Variants in LOC122539214 observed in about 807,000 individuals in gnomAD.
the LOC122539214 span, chr19:52,652,889 A>C: frequency 9.3e-7 from 1 of 1,073,364 alleles, no homozygotes; most frequent in African/African-American, 1.6e-5. Context: ...CACTCATTGC[A>C]CTTGTAAGGT....
the LOC122539214 span, among the ~76,000 whole-genome samples, chr19:52,682,876 C>G: frequency 2.6e-5 from 4 of 151,970 alleles, no homozygotes; most frequent in Non-Finnish European, 4.4e-5. Context: ...CTCTCTGTCT[C>G]TCTTTTTTTT....
the LOC122539214 span, among the ~76,000 whole-genome samples, chr19:52,656,987 GA>G: frequency 6.6e-6 from 1 of 152,012 alleles, no homozygotes; most frequent in East Asian, 1.9e-4. Flanking sequence ...AAGACCTAGA[GA>G]GGACACATCC....
chr19:52,687,981 C>G, the LOC122539214 span, among the ~76,000 whole-genome samples: 1 of 151,944 alleles, frequency 6.6e-6, no homozygotes, highest in Non-Finnish European at 1.5e-5. Flanking sequence ...GGGATTCCAA[C>G]TGGAAGCTAA....
chr19:52,675,242 G>T, the LOC122539214 span, among the ~76,000 whole-genome samples: 5 of 152,204 alleles, frequency 3.3e-5, no homozygotes, highest in Non-Finnish European at 7.3e-5. Context: ...CAGGCCCACA[G>T]TGTTCATGTA....
chr19:52,687,846 A>G, the LOC122539214 span, among the ~76,000 whole-genome samples: 2 of 150,248 alleles, frequency 1.3e-5, no homozygotes, highest in African/African-American at 2.4e-5. Flanking sequence ...TAATTAAATT[A>G]AAAGTATTGT....
chr19:52,687,378 A>AT, the LOC122539214 span, among the ~76,000 whole-genome samples: 12 of 40,284 alleles, frequency 3.0e-4, no homozygotes, highest in African/African-American at 1.7e-3. Context: ...TATAAATTAT[A>AT]ATTTATATAT....
chr19:52,675,478 T>A, the LOC122539214 span, among the ~76,000 whole-genome samples: 1 of 152,134 alleles, frequency 6.6e-6, no homozygotes, highest in African/African-American at 2.4e-5. Context: ...AAGCCATCCC[T>A]CATGGATCAT....
the LOC122539214 span, among the ~76,000 whole-genome samples, chr19:52,681,279 T>TTAA: frequency 6.7e-5 from 1 of 15,024 alleles, no homozygotes; most frequent in Non-Finnish European, 1.5e-4. Flanking sequence ...TGAGACTTTC[T>TTAA]CAAAAAAAAA....
chr19:52,653,973 C>T, the LOC122539214 span: 2 of 1,351,812 alleles, frequency 1.5e-6, no homozygotes, highest in Non-Finnish European at 2.1e-6. Flanking sequence ...TCTTCCCATA[C>T]CTATTAGAAA....
chr19:52,660,672 G>A, the LOC122539214 span: 4 of 160,034 alleles, frequency 2.5e-5, no homozygotes, highest in African/African-American at 9.6e-5. Context: ...TTGTGACGCA[G>A]GACGCTTCAG....
At chr19:52,688,549 T>C in the LOC122539214 span, among the ~76,000 whole-genome samples, 1 of 151,830 alleles carries the variant, frequency 6.6e-6, no homozygotes, top group Non-Finnish European at 1.5e-5. Context: ...CTCTAGCTCT[T>C]GTTTTATTTT....
At chr19:52,681,423 G>T in the LOC122539214 span, among the ~76,000 whole-genome samples, 1 of 151,946 alleles carries the variant, frequency 6.6e-6, no homozygotes, top group African/African-American at 2.4e-5. Flanking sequence ...GAATTTGATA[G>T]AAAAGAAAAG....
chr19:52,650,986 C>A, the LOC122539214 span: 8 of 152,222 alleles, frequency 5.3e-5, no homozygotes, highest in Non-Finnish European at 1.2e-4. Flanking sequence ...ATATCCAATT[C>A]CCTTAGAAGG....
At chr19:52,671,484 C>A in the LOC122539214 span, among the ~76,000 whole-genome samples, 3 of 151,936 alleles carry the variant, frequency 2.0e-5, no homozygotes, top group African/African-American at 7.3e-5. Context: ...AGTTCTGTCA[C>A]CCCGGCTGGA....
At chr19:52,679,894 A>G in the LOC122539214 span, among the ~76,000 whole-genome samples, 1 of 152,092 alleles carries the variant, frequency 6.6e-6, no homozygotes, top group African/African-American at 2.4e-5. Context: ...AAAAGCATGT[A>G]TGGGGGCTGG....
chr19:52,674,436 T>A, the LOC122539214 span, among the ~76,000 whole-genome samples: 1 of 152,132 alleles, frequency 6.6e-6, no homozygotes, highest in Non-Finnish European at 1.5e-5. Context: ...AGCAATGAAA[T>A]AGCAAAAGAA....
At chr19:52,684,310 G>A in the LOC122539214 span, among the ~76,000 whole-genome samples, 1 of 149,756 alleles carries the variant, frequency 6.7e-6, no homozygotes, top group Non-Finnish European at 1.5e-5. Flanking sequence ...AGGTTGTAGT[G>A]AGCCGAGATC....
the LOC122539214 span, among the ~76,000 whole-genome samples, chr19:52,660,368 T>G: frequency 6.6e-6 from 1 of 152,110 alleles, no homozygotes; most frequent in East Asian, 1.9e-4. Flanking sequence ...TGTGTTATTC[T>G]TAGCAACAGT....
the LOC122539214 span, among the ~76,000 whole-genome samples, chr19:52,653,760 A>G: frequency 3.9e-5 from 6 of 152,224 alleles, no homozygotes. Flanking sequence ...TATGAACTCT[A>G]TGGTGCCATG....
Sources: gnomAD v4.1 joint callset for allele counts (sites outside exome capture counted in the v4.1 genomes callset) on GRCh38, gnomAD v4.1.1 for gene constraint, MANE v1.5 for transcripts.